Variants in DSG1 observed in about 807,000 individuals in gnomAD.
The protein encoded by DSG1 is desmoglein-1.
In DSG1, 39 loss-of-function variants were observed where a neutral mutation model predicts 97.5. The ratio of observed to expected loss-of-function variants is 0.40; its 90% CI spans 0.31 to 0.52. DSG1 has a LOEUF of 0.52. Among genes scored for constraint, DSG1 ranks in the 20% least tolerant of loss-of-function variants. The probability of loss-of-function intolerance (pLI) is 0.53; values close to 1 mark genes in which losing one functional copy is unlikely to be tolerated. For synonymous variants in DSG1, 475 were observed against 443.4 expected (o/e 1.07, Z -0.90); for missense variants, 1,311 against 1,295.4 (o/e 1.01, Z -0.18).
intron 14 of DSG1, 33 bp downstream of exon 14, chr18:31,346,231 T>A (rs2071834589): frequency 6.5e-7 from 1 of 1,542,716 alleles, no homozygotes; most frequent in African/African-American, 1.4e-5. Flanking sequence ...TTTCTCGCCA[T>A]CCATGTGCCT....
In DSG1 at chr18:31,339,915, A is replaced by T. The variant is rs773354291; in HGVS notation, c.1577A>T (p.Gln526Leu). Residue 526 changes from glutamine (Q) to leucine (L), a missense_variant, in exon 11 of 15, where the codon CAA (glutamine) becomes CTA (leucine). By Grantham distance (113) the Gln-to-Leu change is moderately radical (BLOSUM62 -2). Coordinates refer to ENST00000257192, the MANE Select transcript of DSG1 (RefSeq NM_001942.4). ...AGCACAACTTCTACTGACTCTAGCCAAGTATATTCTTCTGAACCCGGAAAC... is the reference window on the plus strand; with the variant it reads ...AGCACAACTTCTACTGACTCTAGCCTAGTATATTCTTCTGAACCCGGAAAC... ...DTSTTSTDSS[Q>L]VYSSEPGNGA... The T allele has an allele frequency of 6.2e-7, 1 of 1,614,056 alleles. No homozygotes were observed. The highest frequency in any genetic ancestry group is 8.5e-7 in the Non-Finnish European group (1 of 1,179,970).
At chr18:31,338,250 T>C (rs1345691909) in intron 9 of DSG1, 65 bp from the exon 10 acceptor site, 33 of 1,509,256 alleles carry the variant, frequency 2.2e-5, no homozygotes, top group Non-Finnish European at 2.8e-5. Context: ...AACAATACAT[T>C]TTAAATTAAA....
Position 31,354,799 on chromosome 18 carries a change from T to G in DSG1, c.2603T>G (p.Val868Gly). 6.2e-7 allele frequency: 1 copy of G among 1,613,878 alleles called. No homozygotes were observed. Among genetic ancestry groups the G allele is most frequent in the Non-Finnish European group, 8.5e-7 (1 of 1,179,966 alleles). ...TCAAACGTGGTAGTGACAGAGAGAG[T>G]GGTCGGCCCAATCTCTGGCGCTGAT... is the stretch of plus-strand genomic sequence containing the variant. ...PASNVVVTER[V>G]VGPISGADLH... is the part of the protein sequence containing the mutation. Residue 868 changes from valine to glycine, a missense_variant, in exon 15 of 15, where the codon GTG (valine) becomes GGG (glycine). Around this residue, in one of 3 missense-constraint regions of DSG1, gnomAD observed 1,038 missense variants for 964.6 expected, o/e 1.08. Coordinates refer to ENST00000257192, the MANE Select transcript of DSG1 (RefSeq NM_001942.4).
At chr18:31,325,968 C>T (rs937367968) in intron 1 of DSG1, among the ~76,000 whole-genome samples, 2 of 151,830 alleles carry the variant, frequency 1.3e-5, no homozygotes, top group African/African-American at 2.4e-5. Flanking sequence ...TAATACCTAG[C>T]TATTATTTAA....
At position 31,354,400 on chromosome 18, in the gene DSG1, G is replaced by A. The variant is rs1217686711; in HGVS notation, c.2204G>A (p.Cys735Tyr). ...GGTTCCCCTGCTGGCTCTGTGGGTT[G>A]TTGTAGCTTCATTGGAGAAGACCTG... Reference protein sequence around the residue: ...GVGSPAGSVGCCSFIGEDLDD... With the variant: ...GVGSPAGSVGYCSFIGEDLDD... The change falls in exon 15 of 15, where the codon TGT (cysteine) becomes TAT (tyrosine). Residue 735 changes from cysteine to tyrosine, a missense_variant. Around this residue, in one of 3 missense-constraint regions of DSG1, gnomAD observed 1,038 missense variants for 964.6 expected, o/e 1.08. Transcript: ENST00000257192. The A allele has an allele frequency of 2.5e-6, 4 of 1,614,088 alleles. No individual in the cohort carries two copies. In the Admixed American group the frequency reaches 5.0e-5, roughly 20 times the overall value.
intron 9 of DSG1, among the ~76,000 whole-genome samples, chr18:31,337,657 T>C (rs1458073637): frequency 6.6e-6 from 1 of 152,178 alleles, no homozygotes; most frequent in Non-Finnish European, 1.5e-5. Flanking sequence ...TGAGCGCTCT[T>C]GTACCCCACA....
In DSG1 at chr18:31,358,850, A is replaced by G. The variant is rs1198487587; in HGVS notation, c.*3504A>G. 6.6e-6 allele frequency among the ~76,000 whole-genome samples: 1 copy of G among 152,104 alleles called. No homozygotes were observed. The highest frequency in any genetic ancestry group is 2.4e-5 in the African/African-American group (1 of 41,444). ...CACAGTAGAGTGCTACTCTCCTTGA[A>G]ATCAAATCTGTCTTCCACTTCCGGA... is the stretch of plus-strand genomic sequence containing the variant. On this transcript the variant is annotated 3_prime_UTR_variant, in exon 15 of 15. Coordinates refer to ENST00000257192, the MANE Select transcript of DSG1 (RefSeq NM_001942.4).
chr18:31,338,925 A>G (rs923831173), intron 10 of DSG1, among the ~76,000 whole-genome samples: 2 of 152,184 alleles, frequency 1.3e-5, no homozygotes, highest in African/African-American at 2.4e-5. Context: ...TAGAAAGTGT[A>G]TAATTGAGTC....
intron 9 of DSG1, 38 bp from the exon 10 acceptor site, chr18:31,338,277 A>G: frequency 6.2e-7 from 1 of 1,603,318 alleles, no homozygotes. Context: ...TTTTTTAGAT[A>G]GCTGACATTA....
chr18:31,322,899 T>A lies in DSG1; in HGVS notation c.49-3682T>A, dbSNP rs548533589. 2.6e-5 allele frequency among the ~76,000 whole-genome samples: 4 copies of A among 152,248 alleles called. No individual in the cohort carries two copies. In the East Asian group the frequency reaches 7.7e-4, roughly 29 times the overall value. ...ACTTCAATATTAAAAAGGAAAACAT[T>A]AAAAATTACTGTAATTGGGGATTTA... On this transcript the variant is annotated intron_variant, in intron 1 of 14. Transcript: ENST00000257192.
At chr18:31,348,277 G>GTCCC (rs1218283144) in intron 14 of DSG1, among the ~76,000 whole-genome samples, 23 of 151,066 alleles carry the variant, frequency 1.5e-4, no homozygotes, top group African/African-American at 5.6e-4. Flanking sequence ...TTTCATCCAT[G>GTCCC]TCCCTACAAA....
intron 1 of DSG1, among the ~76,000 whole-genome samples, chr18:31,324,310 G>A (rs1317280601): frequency 3.4e-5 from 5 of 147,148 alleles, no homozygotes; most frequent in African/African-American, 1.3e-4. Context: ...TTTTTTGTTT[G>A]TTTGTTGTCG....
intron 6 of DSG1, among the ~76,000 whole-genome samples, chr18:31,332,394 G>C (rs1386919750): frequency 1.3e-5 from 2 of 152,086 alleles, no homozygotes; most frequent in East Asian, 3.9e-4. Flanking sequence ...ATTTACTTTG[G>C]GAAATGAACC....
rs545997867 is a variant in DSG1, at chr18:31,355,866, C to T, written c.*520C>T. On this transcript the variant is annotated 3_prime_UTR_variant, in exon 15 of 15. Coordinates refer to ENST00000257192, the MANE Select transcript of DSG1 (RefSeq NM_001942.4). ...TTGACTACATAGTCAAGTCCACAAG[C>T]CATCAAGCACTCCTACCTTAATTAT... 5 of 157,216 alleles carry T rather than the reference C, an allele frequency of 3.2e-5. No homozygotes were observed. Among genetic ancestry groups the T allele is most frequent in the Non-Finnish European group, 7.0e-5 (5 of 71,054 alleles). 9.7% of individuals were successfully genotyped at this position (157,216 alleles called of 1,614,324 possible). A position where few individuals can be genotyped will look rare whatever the true frequency, so the allele number is the denominator to read the frequency against.
chr18:31,345,326 T>G (rs2071822971), intron 13 of DSG1: 1 of 152,182 alleles, frequency 6.6e-6, no homozygotes, highest in African/African-American at 2.4e-5. Flanking sequence ...TCATTTTATC[T>G]CACCTACCTC....
intron 1 of DSG1, among the ~76,000 whole-genome samples, chr18:31,320,062 A>G (rs1464505706): frequency 2.6e-5 from 4 of 152,292 alleles, no homozygotes; most frequent in African/African-American, 2.4e-5. Flanking sequence ...CGTTGACATC[A>G]TAGGTTTTTT....
chr18:31,342,089 A>G (rs1316737382), intron 11 of DSG1, among the ~76,000 whole-genome samples: 4 of 151,856 alleles, frequency 2.6e-5, no homozygotes, highest in Non-Finnish European at 5.9e-5. Flanking sequence ...GTGCACCACC[A>G]CACCCGGCTA....
chr18:31,332,845 T>C (rs9962740), intron 6 of DSG1, among the ~76,000 whole-genome samples: 62,920 of 151,926 alleles, frequency 0.41, 14,244 homozygotes, highest in Non-Finnish European at 0.5. Flanking sequence ...TACACTTTTC[T>C]CTCTCAAACT....
Position 31,357,650 on chromosome 18 carries a change from T to C in DSG1, c.*2304T>C, listed in dbSNP as rs1598722229. 1.3e-5 allele frequency among the ~76,000 whole-genome samples: 2 copies of C among 151,928 alleles called. No individual in the cohort carries two copies. Among genetic ancestry groups the C allele is most frequent in the East Asian group, 3.9e-4 (2 of 5,182 alleles). ...ATTGGTTGTTAAGATCCCCCCAATT[T>C]AGTTACATCTGAACTCCTAAACACT... On this transcript the variant is annotated 3_prime_UTR_variant, in exon 15 of 15. Coordinates refer to ENST00000257192, the MANE Select transcript of DSG1 (RefSeq NM_001942.4).
Sources: allele counts gnomAD v4.1 joint callset (sites outside exome capture counted in the v4.1 genomes callset), GRCh38; gene constraint gnomAD v4.1.1; regional missense constraint gnomAD v4.1.1; transcripts MANE v1.5; gene names NCBI Gene and HGNC (gene_info 2026-07-23, HGNC 2026-07-21).